The following GLI3 variants were observed in gnomAD, a reference collection of about 807,000 sequenced individuals.
GLI3 encodes the protein GLI family zinc finger 3, also known as transcription activator GLI3.
In GLI3, 20 loss-of-function variants were observed where a neutral mutation model predicts 100.8. That is an observed-to-expected ratio of 0.20 (90% confidence interval 0.14 to 0.29). GLI3 has a LOEUF of 0.29. Among genes scored for constraint, GLI3 ranks in the 10% least tolerant of loss-of-function variants. GLI3 has a pLI of 1.00. For synonymous variants in GLI3, 938 were observed against 860.5 expected (o/e 1.09, Z -1.58); for missense variants, 2,040 against 2,128.5 (o/e 0.96, Z 0.82).
intron 7 of GLI3, 72 bp downstream of exon 7, chr7:42,039,966 C>T: frequency 1.8e-6 from 2 of 1,127,588 alleles, no homozygotes; most frequent in Admixed American, 3.4e-5. Context: ...ACTGAAAATG[C>T]ATCACTACAG....
intron 2 of GLI3, among the ~76,000 whole-genome samples, chr7:42,168,386 A>C (rs1350751559): frequency 6.6e-6 from 1 of 152,216 alleles, no homozygotes; most frequent in African/African-American, 2.4e-5. Flanking sequence ...CACCAGGGGC[A>C]CCAAAAAACA....
chr7:42,207,051 C>T (rs1230601084), intron 2 of GLI3, among the ~76,000 whole-genome samples: 1 of 152,142 alleles, frequency 6.6e-6, no homozygotes, highest in Non-Finnish European at 1.5e-5. Flanking sequence ...CAGAAAATAC[C>T]AAGTGTTGAC....
At chr7:41,998,496 T>TA (rs972912867) in intron 10 of GLI3, among the ~76,000 whole-genome samples, 6 of 152,222 alleles carry the variant, frequency 3.9e-5, no homozygotes, top group Non-Finnish European at 8.8e-5. Flanking sequence ...GGCCCTCACT[T>TA]ATATAATTTT....
At chr7:42,023,249 T>C (rs964399588) in intron 10 of GLI3, among the ~76,000 whole-genome samples, 6 of 152,238 alleles carry the variant, frequency 3.9e-5, no homozygotes, top group Non-Finnish European at 7.3e-5. Flanking sequence ...TTACACTCTC[T>C]ATTGAAGACT....
At chr7:42,169,718 A>C (rs1021392004) in intron 2 of GLI3, among the ~76,000 whole-genome samples, 3 of 152,104 alleles carry the variant, frequency 2.0e-5, no homozygotes, top group Admixed American at 2.0e-4. Context: ...ATGCCCAACA[A>C]TAGAAGATTA....
intron 1 of GLI3, among the ~76,000 whole-genome samples, chr7:42,235,234 A>G (rs185772961): frequency 6.6e-6 from 1 of 152,242 alleles, no homozygotes; most frequent in South Asian, 2.1e-4. Context: ...ACAGGAATCA[A>G]TCAATAAGGC....
chr7:42,043,649 T>C (rs1784187435), intron 6 of GLI3, among the ~76,000 whole-genome samples: 1 of 152,230 alleles, frequency 6.6e-6, no homozygotes, highest in South Asian at 2.1e-4. Flanking sequence ...AAATTCCTAC[T>C]TAATGACAAT....
At chr7:41,998,250 G>A (rs527616570) in intron 10 of GLI3, among the ~76,000 whole-genome samples, 6 of 152,190 alleles carry the variant, frequency 3.9e-5, no homozygotes, top group African/African-American at 1.4e-4. Context: ...CTCTTCTAAG[G>A]TATTCACACC....
chr7:42,142,757 C>CGTCTCTACTAAAAAATACAAAAAAAAAAA (rs1786599879), intron 3 of GLI3, among the ~76,000 whole-genome samples: 4 of 150,478 alleles, frequency 2.7e-5, no homozygotes, highest in Admixed American at 6.6e-5. Context: ...GGTGAAACCC[C>CGTCTCTACTAAAAAATACAAAAAAAAAAA]GTCTCTACTA....
At chr7:42,003,086 T>G (rs1583778117) in intron 10 of GLI3, among the ~76,000 whole-genome samples, 1 of 152,336 alleles carries the variant, frequency 6.6e-6, no homozygotes, top group Admixed American at 6.5e-5. Context: ...TCCAGAACAG[T>G]GTCTGACTGA....
intron 2 of GLI3, among the ~76,000 whole-genome samples, chr7:42,205,780 A>AT (rs769194702): frequency 6.6e-6 from 1 of 152,280 alleles, no homozygotes; most frequent in Non-Finnish European, 1.5e-5. Context: ...TAAGTGACAG[A>AT]TTTTTTTAAA....
chr7:42,098,228 C>T (rs1785383696), intron 3 of GLI3, among the ~76,000 whole-genome samples: 2 of 152,088 alleles, frequency 1.3e-5, no homozygotes, highest in South Asian at 4.2e-4. Context: ...TCATCACACG[C>T]TGAACAAATT....
intron 10 of GLI3, among the ~76,000 whole-genome samples, chr7:41,990,265 G>T (rs748425586): frequency 3.3e-5 from 5 of 152,108 alleles, no homozygotes; most frequent in Non-Finnish European, 5.9e-5. Context: ...CCAGTATCTA[G>T]AAGTACACAG....
At chr7:42,167,027 A>G (rs569717584) in intron 2 of GLI3, among the ~76,000 whole-genome samples, 1 of 152,120 alleles carries the variant, frequency 6.6e-6, no homozygotes, top group East Asian at 1.9e-4. Flanking sequence ...GGGTTTCGCC[A>G]TGTTGGCCAG....
At chr7:42,216,940 A>G (rs1213981222) in intron 2 of GLI3, among the ~76,000 whole-genome samples, 1 of 152,216 alleles carries the variant, frequency 6.6e-6, no homozygotes, top group Non-Finnish European at 1.5e-5. Context: ...AGATATCTAA[A>G]TGTTAAGTCA....
At chr7:41,995,567 C>T (rs1010104247) in intron 10 of GLI3, among the ~76,000 whole-genome samples, 8 of 152,130 alleles carry the variant, frequency 5.3e-5, no homozygotes, top group African/African-American at 1.9e-4. Flanking sequence ...AAACTTTCTA[C>T]CCACTATGTA....
chr7:41,964,522 G>T lies in GLI3; in HGVS notation c.4551C>A (p.Ser1517Arg). 2 of 1,613,902 alleles carry T rather than the reference G, an allele frequency of 1.2e-6. No individual in the cohort carries two copies. The highest frequency in any genetic ancestry group is 1.7e-6 in the Non-Finnish European group (2 of 1,179,740). The stretch of plus-strand genomic sequence containing the variant: ...TTGGGCTCAGGGCCCCCGACATCAG[G>T]CTGGAGTGGTCCCCATCGTCTATGA... ...DAIIDDGDHS[S>R]LMSGALSPSI... Residue 1517 changes from serine to arginine, a missense_variant, in exon 15 of 15, where the codon AGC (serine) becomes AGA (arginine). Ser to Arg is a moderately radical substitution (Grantham distance 110, BLOSUM62 -1). Coordinates refer to ENST00000395925, the MANE Select transcript of GLI3 (RefSeq NM_000168.6).
chr7:42,238,048 GC>G (rs1206297280), upstream of GLI3, among the ~76,000 whole-genome samples: 6 of 106,802 alleles, frequency 5.6e-5, no homozygotes, highest in Non-Finnish European at 9.5e-5. Flanking sequence ...CTCCTCCTCC[GC>G]CCCTCCCCGG....
rs779212391 is a variant in GLI3 at position 41,965,695 on chromosome 7, G to C, written c.3378C>G (p.Pro1126=). The part of the protein sequence containing the change: ...LPDDSKVPHG[P]GDFDAPGLPD... ...GCAGCCCGGGCGCGTCAAAGTCACCGGGCCCGTGGGGCACTTTGCTGTCGT... is the reference window on the plus strand; with the variant it reads ...GCAGCCCGGGCGCGTCAAAGTCACCCGGCCCGTGGGGCACTTTGCTGTCGT... The change falls in exon 15 of 15, where the codon CCC becomes CCG. Residue 1126 remains proline (P), a synonymous_variant. Coordinates refer to ENST00000395925, the MANE Select transcript of GLI3 (RefSeq NM_000168.6). The C allele has an allele frequency of 2.5e-6, 4 of 1,613,464 alleles. No individual in the cohort carries two copies. In the African/African-American group the frequency reaches 4.0e-5, roughly 16 times the overall value.
Sources: gnomAD v4.1 joint callset for allele counts (sites outside exome capture counted in the v4.1 genomes callset) on GRCh38, gnomAD v4.1.1 for gene constraint, MANE v1.5 for transcripts, NCBI Gene and HGNC (gene_info 2026-07-23, HGNC 2026-07-21) for gene names.